The following ARHGAP31 variants were observed in gnomAD, a reference collection of about 807,000 sequenced individuals.
ARHGAP31 encodes Rho GTPase activating protein 31.
ARHGAP31 carries 34 observed loss-of-function variants against 113.9 expected under a neutral mutation model. That is an observed-to-expected ratio of 0.30 (90% CI 0.23 to 0.40). ARHGAP31 has a LOEUF of 0.40. Ranked by LOEUF, ARHGAP31 falls within the 10% of genes least tolerant of loss-of-function variation. The pLI, the probability that ARHGAP31 is intolerant of heterozygous loss-of-function variation, is 1.00. For missense variants in ARHGAP31, 1,548 were observed against 1,767.1 expected (o/e 0.88, Z 2.22); for synonymous variants, 650 against 684.8 (o/e 0.95, Z 0.79).
Position 119,328,021 on chromosome 3 carries a change from C to A in ARHGAP31, c.100+33017C>A, listed in dbSNP as rs142257280. On this transcript the variant is annotated intron_variant, in intron 1 of 11. Transcript: ENST00000264245. ...TAACCTGTTCCAGAAAATAAATTGCCTTCCCAAGGATCATAGAGTTGTTTT... is the reference window on the plus strand; with the variant it reads ...TAACCTGTTCCAGAAAATAAATTGCATTCCCAAGGATCATAGAGTTGTTTT... Among the ~76,000 whole-genome samples the A allele has an allele frequency of 3.0e-3, 456 of 152,206 alleles. 5 individuals are homozygous for A. Among genetic ancestry groups the A allele is most frequent in the African/African-American group, 0.01 (429 of 41,516 alleles).
chr3:119,384,772 T>A (rs1237391254), intron 6 of ARHGAP31, among the ~76,000 whole-genome samples: 1 of 152,120 alleles, frequency 6.6e-6, no homozygotes, highest in Non-Finnish European at 1.5e-5. Flanking sequence ...GGGGACACAT[T>A]CAAACCATAA....
intron 3 of ARHGAP31, among the ~76,000 whole-genome samples, chr3:119,373,128 TA>T (rs2080316573): frequency 1.3e-5 from 2 of 152,146 alleles, no homozygotes; most frequent in Admixed American, 6.5e-5. Flanking sequence ...GAACTACATA[TA>T]AACTATTTTT....
At chr3:119,312,988 A>G (rs1274754492) in intron 1 of ARHGAP31, among the ~76,000 whole-genome samples, 3 of 152,226 alleles carry the variant, frequency 2.0e-5, no homozygotes, top group Non-Finnish European at 4.4e-5. Context: ...GTTATATCAT[A>G]CACATGTTCT....
chr3:119,354,513 A>G (rs112536755), intron 1 of ARHGAP31, among the ~76,000 whole-genome samples: 1 of 143,472 alleles, frequency 7.0e-6, no homozygotes, highest in African/African-American at 2.6e-5. Context: ...TGTGGTTTTT[A>G]TGTGTGTGTG....
chr3:119,384,396 C>A (rs2080430719), intron 6 of ARHGAP31, among the ~76,000 whole-genome samples: 1 of 152,198 alleles, frequency 6.6e-6, no homozygotes, highest in African/African-American at 2.4e-5. Context: ...AAAAAGAAAC[C>A]TGTCTTAGTC....
At chr3:119,329,877 G>T in intron 1 of ARHGAP31, 1 of 985,478 alleles carries the variant, frequency 1.0e-6, no homozygotes. Context: ...CATTGTGTGA[G>T]TCCTCACTGG....
At chr3:119,306,722 T>C (rs546611019) in intron 1 of ARHGAP31, among the ~76,000 whole-genome samples, 1 of 152,338 alleles carries the variant, frequency 6.6e-6, no homozygotes. Context: ...ATTTTACTTT[T>C]GTTGGTCTGG....
chr3:119,301,470 A>G (rs1431731627), intron 1 of ARHGAP31, among the ~76,000 whole-genome samples: 1 of 151,784 alleles, frequency 6.6e-6, no homozygotes, highest in Non-Finnish European at 1.5e-5. Context: ...GTGCCATTAG[A>G]GCTGTAGTTT....
intron 1 of ARHGAP31, chr3:119,330,000 A>G (rs1220683209): frequency 3.5e-5 from 34 of 985,328 alleles, no homozygotes; most frequent in South Asian, 4.7e-5. Context: ...AGTTTCCACT[A>G]TCATCGGTGA....
At chr3:119,378,753 G>T (rs939232883) in intron 3 of ARHGAP31, among the ~76,000 whole-genome samples, 1 of 152,180 alleles carries the variant, frequency 6.6e-6, no homozygotes, top group African/African-American at 2.4e-5. Context: ...GCCTTGCAGA[G>T]CCAGGGTCCT....
In ARHGAP31 at chr3:119,414,341, G is replaced by C. The variant is rs776194035; in HGVS notation, c.2412G>C (p.Pro804=). 3 of 1,614,160 alleles carry C rather than the reference G, an allele frequency of 1.9e-6. No individual in the cohort carries two copies. The highest frequency in any genetic ancestry group is 2.2e-5 in the East Asian group (1 of 44,880). ...STPVLLSKGG[P]EREDSSRKLR... is the part of the protein sequence containing the mutation. ...CAGTCCTGCTTTCAAAGGGCGGCCC[G>C]GAAAGAGAAGACTCATCCAGGAAAT... Residue 804 remains proline, a synonymous_variant, in exon 12 of 12, where the codon CCG becomes CCC. Coordinates refer to ENST00000264245, the MANE Select transcript of ARHGAP31 (RefSeq NM_020754.4).
intron 1 of ARHGAP31, among the ~76,000 whole-genome samples, chr3:119,296,236 A>G (rs1035972124): frequency 7.2e-5 from 11 of 152,248 alleles, no homozygotes; most frequent in African/African-American, 2.7e-4. Flanking sequence ...TCTAGAGTTC[A>G]GTCTGCTGTG....
intron 6 of ARHGAP31, among the ~76,000 whole-genome samples, chr3:119,388,820 GAGCACAGATCGCA>G (rs750315692): frequency 6.6e-6 from 1 of 152,114 alleles, no homozygotes; most frequent in African/African-American, 2.4e-5. Flanking sequence ...TAGAGCAGAG[GAGCACAGATCGCA>G]AGCTCTGTTA....
chr3:119,395,701 T>C (rs974209134), intron 8 of ARHGAP31, among the ~76,000 whole-genome samples: 2 of 152,174 alleles, frequency 1.3e-5, no homozygotes, highest in African/African-American at 2.4e-5. Flanking sequence ...CTTGTGCTGA[T>C]TGGCTTCAGC....
At chr3:119,345,964 T>G (rs976680511) in intron 1 of ARHGAP31, among the ~76,000 whole-genome samples, 4 of 152,230 alleles carry the variant, frequency 2.6e-5, no homozygotes, top group Non-Finnish European at 5.9e-5. Flanking sequence ...TCCTCTCCAG[T>G]GCAGATCCTA....
intron 1 of ARHGAP31, among the ~76,000 whole-genome samples, chr3:119,348,636 C>G (rs2080083871): frequency 1.3e-5 from 2 of 152,200 alleles, no homozygotes; most frequent in South Asian, 2.1e-4. Context: ...CTCTCGTATA[C>G]TTTAAATCAT....
chr3:119,382,342 G>A lies in ARHGAP31; in HGVS notation c.482G>A (p.Ser161Asn), dbSNP rs774009946. The A allele has an allele frequency of 1.9e-6, 3 of 1,614,184 alleles. No homozygotes were observed. The African/African-American group carries it at 4.0e-5, about 22-fold the overall frequency. Residue 161 changes from serine (S) to asparagine (N), a missense_variant, in exon 5 of 12, where the codon AGC becomes AAC. Physicochemically the swap from Ser to Asn is conservative, Grantham distance 46 (BLOSUM62 1). Coordinates refer to ENST00000264245, the MANE Select transcript of ARHGAP31 (RefSeq NM_020754.4). ...RHLAHIASFS[S>N]KTNMHARNLA... ...CTGGCCCATATCGCCTCCTTCAGCA[G>A]CAAGACCAACATGCACGCCCGGAAC...
intron 7 of ARHGAP31, among the ~76,000 whole-genome samples, chr3:119,391,772 G>T (rs1464739888): frequency 6.6e-6 from 1 of 152,062 alleles, no homozygotes; most frequent in South Asian, 2.1e-4. Flanking sequence ...TCTTGCACAG[G>T]CTGCCACCTT....
chr3:119,298,523 CAAGT>C (rs1410926431), intron 1 of ARHGAP31: 1 of 152,166 alleles, frequency 6.6e-6, no homozygotes, highest in African/African-American at 2.4e-5. Flanking sequence ...AGCCAAGAGA[CAAGT>C]AAGAGAGAGT....
Sources: gnomAD v4.1 joint callset for allele counts (sites outside exome capture counted in the v4.1 genomes callset) on GRCh38, gnomAD v4.1.1 for gene constraint, MANE v1.5 for transcripts, NCBI Gene and HGNC (gene_info 2026-07-23, HGNC 2026-07-21) for gene names.